Variants in TACC1 observed in about 807,000 individuals in gnomAD.
TACC1 encodes transforming acidic coiled-coil containing protein 1.
A neutral mutation model predicts 84.4 loss-of-function variants in TACC1; 48 were observed. The observed-to-expected ratio is 0.57, with a 90% confidence interval of 0.45 to 0.72. The LOEUF (loss-of-function observed/expected upper bound fraction) is 0.72. Ranked by LOEUF, TACC1 falls within the 30% of genes least tolerant of loss-of-function variation. The probability of loss-of-function intolerance (pLI) is 0.00; values close to 1 mark genes in which losing one functional copy is unlikely to be tolerated. For synonymous variants in TACC1, 372 were observed against 376.3 expected (o/e 0.99, Z 0.13); for missense variants, 920 against 973.0 (o/e 0.95, Z 0.72).
At chr8:38,843,470 G>GT (rs1831637670) in intron 11 of TACC1, 75 bp downstream of exon 11, 4 of 1,031,154 alleles carry the variant, frequency 3.9e-6, no homozygotes, top group Admixed American at 2.4e-5. Flanking sequence ...CAAAATCACT[G>GT]TTTCGCAACT....
rs1443353275 is a variant in TACC1 at position 38,850,985 on chromosome 8, A to AC, written c.*2962_*2963insC. ...AATGCAACGTGAGGCCAACTGAACAATTCCCCCCGTGGCTGCCCAGATAGT... is the reference window on the plus strand; with the variant it reads ...AATGCAACGTGAGGCCAACTGAACAACTTCCCCCCGTGGCTGCCCAGATAGT... On this transcript the variant is annotated 3_prime_UTR_variant, in exon 13 of 13. Transcript: ENST00000317827. The AC allele has an allele frequency of 4.6e-5, 7 of 152,298 alleles. No individual in the cohort carries two copies. The highest frequency in any genetic ancestry group is 1.7e-4 in the African/African-American group (7 of 41,176). 9.4% of individuals were successfully genotyped at this position (152,298 alleles called of 1,614,324 possible).
At chr8:38,832,574 C>G (rs1261291798) in intron 6 of TACC1, among the ~76,000 whole-genome samples, 1 of 152,202 alleles carries the variant, frequency 6.6e-6, no homozygotes, top group Non-Finnish European at 1.5e-5. Context: ...CTGTGTTGCT[C>G]TGAAGTCCAT....
chr8:38,830,950 T>C (rs137891069), intron 5 of TACC1, among the ~76,000 whole-genome samples, 175 bp from the exon 6 acceptor site: 25 of 152,368 alleles, frequency 1.6e-4, no homozygotes, highest in African/African-American at 5.3e-4. Flanking sequence ...CTGAATGTCA[T>C]GGACTTATAA....
In TACC1 at chr8:38,820,384, A is replaced by T. The variant is rs778698668; in HGVS notation, c.1140A>T (p.Thr380=). 5.0e-6 allele frequency: 8 copies of T among 1,614,086 alleles called. No homozygotes were observed. The highest frequency in any genetic ancestry group is 6.8e-6 in the Non-Finnish European group (8 of 1,180,014). The change falls in exon 3 of 13, where the codon ACA becomes ACT. Residue 380 remains threonine (T), a synonymous_variant. Coordinates refer to ENST00000317827, the MANE Select transcript of TACC1 (RefSeq NM_006283.3). ...CACGAGACGGGCCTCTCTCCCAAAC[A>T]TCTTCCAAGCCAGATCCTAGTCAGT... ...PVARDGPLSQ[T]SSKPDPSQWE...
chr8:38,771,747 T>C (rs967275671), intron 3 of TACC1, among the ~76,000 whole-genome samples: 1 of 152,186 alleles, frequency 6.6e-6, no homozygotes, highest in Non-Finnish European at 1.5e-5. Context: ...TTGCTTTATT[T>C]ATGTTTGAGA....
intron 4 of TACC1, 136 bp downstream of exon 4, chr8:38,825,504 G>T: frequency 1.2e-6 from 1 of 802,224 alleles, no homozygotes; most frequent in Admixed American, 2.3e-5. Context: ...CCAATTTCCA[G>T]ATCCTTACTG....
At chr8:38,817,366 C>T (rs940556536) in intron 2 of TACC1, among the ~76,000 whole-genome samples, 1 of 152,226 alleles carries the variant, frequency 6.6e-6, no homozygotes, top group African/African-American at 2.4e-5. Flanking sequence ...ATAATAGACT[C>T]TGTACACATA....
intron 1 of TACC1, among the ~76,000 whole-genome samples, chr8:38,739,957 TG>T (rs1806752390): frequency 6.6e-6 from 1 of 152,236 alleles, no homozygotes; most frequent in African/African-American, 2.4e-5. Context: ...TTTATCCTAC[TG>T]CCTTGCTCAG....
chr8:38,732,204 A>G (rs116624801), intron 1 of TACC1, among the ~76,000 whole-genome samples: 2,902 of 151,832 alleles, frequency 0.019, 107 homozygotes, highest in African/African-American at 0.067. Context: ...AAAGGAAAGG[A>G]AAGGAAAAGA....
chr8:38,778,311 CA>C, intron 3 of TACC1, among the ~76,000 whole-genome samples: 1 of 150,272 alleles, frequency 6.7e-6, no homozygotes, highest in African/African-American at 2.5e-5. Flanking sequence ...TGTGTGTTTA[CA>C]ATGGGTACAG....
intron 2 of TACC1, among the ~76,000 whole-genome samples, chr8:38,798,346 C>T (rs1452199159): frequency 6.6e-6 from 1 of 152,046 alleles, no homozygotes; most frequent in East Asian, 1.9e-4. Flanking sequence ...GAAGTGCTTT[C>T]TTCATCCTTA....
chr8:38,747,020 A>G (rs756403867), intron 3 of TACC1, among the ~76,000 whole-genome samples: 2 of 152,218 alleles, frequency 1.3e-5, no homozygotes, highest in Non-Finnish European at 2.9e-5. Flanking sequence ...GACAGAGATT[A>G]ATAATTGTTT....
At chr8:38,768,098 AGGAAGGAAGGAAGGAAGGAAGGTAGG>A (rs1812615285) in intron 3 of TACC1, among the ~76,000 whole-genome samples, 1 of 143,128 alleles carries the variant, frequency 7.0e-6, no homozygotes, top group African/African-American at 2.8e-5. Flanking sequence ...GAAGGAAGGA[AGGAAGGAAGGAAGGAAGGAAGGTAGG>A]GGAAGGGAAG....
chr8:38,846,384 C>G (rs1037305547), intron 11 of TACC1: 4 of 177,294 alleles, frequency 2.3e-5, no homozygotes, highest in African/African-American at 9.6e-5. Flanking sequence ...TGGTTAGTAT[C>G]CCAACTCTAG....
At chr8:38,743,184 T>C (rs1807407536) in intron 2 of TACC1, among the ~76,000 whole-genome samples, 1 of 152,164 alleles carries the variant, frequency 6.6e-6, no homozygotes, top group Non-Finnish European at 1.5e-5. Flanking sequence ...AAGACGTTCA[T>C]CCTGAGGCTG....
chr8:38,776,031 T>C (rs1000428337), intron 3 of TACC1, among the ~76,000 whole-genome samples: 4 of 152,244 alleles, frequency 2.6e-5, no homozygotes, highest in African/African-American at 9.6e-5. Flanking sequence ...AATTCACTTA[T>C]AGGATTTGGG....
intron 2 of TACC1, among the ~76,000 whole-genome samples, chr8:38,742,696 T>G (rs531299923): frequency 1.1e-4 from 17 of 152,242 alleles, no homozygotes; most frequent in African/African-American, 3.9e-4. Flanking sequence ...TATATTTACT[T>G]ATTTCTTTTT....
chr8:38,757,401 G>A (rs147252827), intron 3 of TACC1: 5 of 1,252,390 alleles, frequency 4.0e-6, no homozygotes, highest in Non-Finnish European at 5.1e-6. Context: ...CGAGACCCAC[G>A]GAGACCGCGT....
chr8:38,782,289 C>T (rs1277086615), upstream of TACC1, among the ~76,000 whole-genome samples: 3 of 151,712 alleles, frequency 2.0e-5, no homozygotes, highest in Non-Finnish European at 4.4e-5. Flanking sequence ...TTTGTTCTTG[C>T]GATAGTTTAC....
Sources: gnomAD v4.1 joint callset for allele counts (sites outside exome capture counted in the v4.1 genomes callset) on GRCh38, gnomAD v4.1.1 for gene constraint, MANE v1.5 for transcripts, NCBI Gene and HGNC (gene_info 2026-07-23, HGNC 2026-07-21) for gene names.